The following PACRGL variants were observed in gnomAD, a reference collection of about 807,000 sequenced individuals.
The protein encoded by PACRGL is parkin coregulated like, also known as PACRG-like protein.
PACRGL carries 38 observed loss-of-function variants against 34.5 expected under a neutral mutation model. The observed-to-expected ratio is 1.10, with a 90% CI of 0.85 to 1.44. The LOEUF is 1.44. Among genes scored for constraint, PACRGL ranks in the 40% most tolerant of loss-of-function variants. The pLI, the probability that PACRGL is intolerant of heterozygous loss-of-function variation, is 0.00. For missense variants in PACRGL, 305 were observed against 281.4 expected (o/e 1.08, Z -0.60); for synonymous variants, 128 against 100.1 (o/e 1.28, Z -1.66).
intron 8 of PACRGL, among the ~76,000 whole-genome samples, chr4:20,744,165 G>C (rs1200265087): frequency 6.6e-6 from 1 of 152,134 alleles, no homozygotes; most frequent in Non-Finnish European, 1.5e-5. Flanking sequence ...ACTGTTGGTG[G>C]GACTGTAAAC....
intron 1 of PACRGL, chr4:20,701,656 G>A: frequency 3.1e-6 from 1 of 318,318 alleles, no homozygotes; most frequent in Non-Finnish European, 6.3e-6. Context: ...CTTGTCAGTG[G>A]CATGCTTCCA....
intron 7 of PACRGL, among the ~76,000 whole-genome samples, chr4:20,716,497 C>T (rs184775853): frequency 0.01 from 1,550 of 151,050 alleles, 18 homozygotes; most frequent in South Asian, 0.063. Context: ...ATCCCTCCCC[C>T]GACAGGCCCT....
chr4:20,729,527 T>A lies in PACRGL; in HGVS notation c.*2186T>A, dbSNP rs921241678. ...GTTTAAAAATGCCAGATAAAACTAA[T>A]TTCTAACAGAAGGTGGGAAGGCCAT... On this transcript the variant is annotated 3_prime_UTR_variant, in exon 9 of 9. Transcript: ENST00000503585. The A allele has an allele frequency of 7.9e-5, 11 of 139,190 alleles. No homozygotes were observed. Among genetic ancestry groups the A allele is most frequent in the Non-Finnish European group, 9.8e-5 (6 of 61,456 alleles). The allele number at this position is 139,190 out of a possible 1,614,324, so 8.6% of individuals were successfully genotyped here.
chr4:20,706,561 A>G (rs1273485028), intron 3 of PACRGL, among the ~76,000 whole-genome samples: 1 of 151,964 alleles, frequency 6.6e-6, no homozygotes, highest in Non-Finnish European at 1.5e-5. Flanking sequence ...CATAACATGG[A>G]TTGAATTTTG....
intron 7 of PACRGL, among the ~76,000 whole-genome samples, chr4:20,722,734 A>G (rs920717400): frequency 6.6e-6 from 1 of 152,174 alleles, no homozygotes; most frequent in African/African-American, 2.4e-5. Flanking sequence ...CATGTTGACA[A>G]GGATACCCTA....
chr4:20,732,149 T>TA lies in PACRGL; in HGVS notation c.*4813dup. On this transcript the variant is annotated 3_prime_UTR_variant, in exon 9 of 9. Transcript: ENST00000503585. ...CCTGGACCAAATGAGCTGAAGCTGA[T>TA]AAAAAGAAAACCTAGCTGCTTATTT... 2 of 956,080 alleles carry TA rather than the reference T, an allele frequency of 2.1e-6. No homozygotes were observed. Among genetic ancestry groups the TA allele is most frequent in the Non-Finnish European group, 3.3e-6 (2 of 615,062 alleles). The allele number at this position is 956,080 out of a possible 1,614,324, so 59.2% of individuals were successfully genotyped here.
chr4:20,761,720 A>C, the PACRGL span, among the ~76,000 whole-genome samples: 2 of 152,204 alleles, frequency 1.3e-5, no homozygotes, highest in African/African-American at 4.8e-5. Flanking sequence ...TTTGATAGAT[A>C]TAATGTGAAA....
Position 20,709,852 on chromosome 4 carries a change from G to A in PACRGL, c.366+79G>A, listed in dbSNP as rs375447847. On this transcript the variant is annotated intron_variant, in intron 5 of 8. Transcript: ENST00000503585. ...TTAAATGCTACTTTGTAGCTTGTCA[G>A]TAAATTTCATTCTATGCCTTTGAAA... 76 of 1,217,876 alleles carry A rather than the reference G, an allele frequency of 6.2e-5. No homozygotes were observed. In the East Asian group the frequency reaches 8.0e-4, roughly 13 times the overall value. 75.4% of individuals were successfully genotyped at this position (1,217,876 alleles called of 1,614,324 possible).
At chr4:20,716,374 G>T in intron 7 of PACRGL, 1 of 579,192 alleles carries the variant, frequency 1.7e-6, no homozygotes, top group Non-Finnish European at 3.0e-6. Flanking sequence ...TATACTTTAA[G>T]TTCTAGGGTA....
chr4:20,717,585 T>G (rs1200506645), intron 7 of PACRGL, among the ~76,000 whole-genome samples: 1 of 152,218 alleles, frequency 6.6e-6, no homozygotes, highest in Non-Finnish European at 1.5e-5. Context: ...ATTTATTAAA[T>G]AGGGAATCCT....
chr4:20,731,876 C>A lies in PACRGL; in HGVS notation c.*4535C>A. 6.9e-7 allele frequency: 1 copy of A among 1,448,270 alleles called. No homozygotes were observed. Among genetic ancestry groups the A allele is most frequent in the Non-Finnish European group, 9.1e-7 (1 of 1,099,518 alleles). The allele number at this position is 1,448,270 out of a possible 1,614,324, so 89.7% of individuals were successfully genotyped here. ...TTTTCAGAGTGGTAGGCTTATGCTG[C>A]ATGTTGTAGAAGTGGTAAACTTAGG... is the stretch of plus-strand genomic sequence containing the variant. On this transcript the variant is annotated 3_prime_UTR_variant, in exon 9 of 9. Coordinates refer to ENST00000503585, the MANE Select transcript of PACRGL (RefSeq NM_001258345.3).
chr4:20,710,945 T>A (rs1203618393), intron 5 of PACRGL, among the ~76,000 whole-genome samples: 1 of 152,044 alleles, frequency 6.6e-6, no homozygotes, highest in African/African-American at 2.4e-5. Flanking sequence ...CCCAGCACTT[T>A]AGGAGGCCAA....
At chr4:20,724,633 A>G (rs1288328176) in intron 7 of PACRGL, among the ~76,000 whole-genome samples, 175 bp from the exon 8 acceptor site, 1 of 152,180 alleles carries the variant, frequency 6.6e-6, no homozygotes, top group Non-Finnish European at 1.5e-5. Context: ...ATGTAAATTC[A>G]TTGTTTTTTA....
chr4:20,710,668 C>T (rs1235197880), intron 5 of PACRGL, among the ~76,000 whole-genome samples: 1 of 152,036 alleles, frequency 6.6e-6, no homozygotes, highest in African/African-American at 2.4e-5. Context: ...CAAGTGGGAG[C>T]AGAACTGAAA....
chr4:20,749,741 G>A (rs374097995), intron 8 of PACRGL: 1 of 1,585,252 alleles, frequency 6.3e-7, no homozygotes, highest in Non-Finnish European at 8.6e-7. Context: ...GTCTGAAATG[G>A]TAAAAAGGGA....
At chr4:20,727,025 A>G (rs1745992866) in intron 8 of PACRGL, among the ~76,000 whole-genome samples, 2 of 152,208 alleles carry the variant, frequency 1.3e-5, no homozygotes. Flanking sequence ...GGTTTGACGA[A>G]TAAGTGACTA....
At chr4:20,734,705 G>T, downstream of PACRGL, 2 of 1,586,416 alleles carry the variant, frequency 1.3e-6, no homozygotes, top group Non-Finnish European at 1.7e-6. Flanking sequence ...ACTGTCCCCC[G>T]GAGCAAAATG....
the PACRGL span, among the ~76,000 whole-genome samples, chr4:20,765,963 A>G: frequency 2.0e-5 from 3 of 152,152 alleles, no homozygotes; most frequent in Non-Finnish European, 4.4e-5. Flanking sequence ...ATCAATTTTA[A>G]TAAGGCAGTA....
chr4:20,717,007 C>G (rs567000370), intron 7 of PACRGL, among the ~76,000 whole-genome samples: 2 of 152,302 alleles, frequency 1.3e-5, no homozygotes, highest in East Asian at 3.9e-4. Flanking sequence ...TGTTTCCTGA[C>G]TTTTTAATGA....
Sources: gnomAD v4.1 joint callset for allele counts (sites outside exome capture counted in the v4.1 genomes callset) on GRCh38, gnomAD v4.1.1 for gene constraint, MANE v1.5 for transcripts, NCBI Gene and HGNC (gene_info 2026-07-23, HGNC 2026-07-21) for gene names.